The following TRIOBP variants were observed in gnomAD, a reference collection of about 807,000 sequenced individuals.
TRIOBP encodes TRIO and F-actin-binding protein.
In TRIOBP, 169 loss-of-function variants were observed where a neutral mutation model predicts 238.8. The ratio of observed to expected loss-of-function variants is 0.71; its 90% CI spans 0.62 to 0.80. The LOEUF (loss-of-function observed/expected upper bound fraction) is 0.80, where lower values mean the gene tolerates loss of function less well. Among genes scored for constraint, TRIOBP ranks in the 30% least tolerant of loss-of-function variants. The pLI is 0.00. For missense variants in TRIOBP, 2,838 were observed against 3,122.6 expected, an observed-to-expected ratio of 0.91 and a Z score of 2.17; for synonymous variants, 1,150 against 1,274.4, an observed-to-expected ratio of 0.90 and a Z score of 2.08.
At chr22:37,759,731 T>C (rs1926143937) in intron 17 of TRIOBP, 1 of 1,461,454 alleles carries the variant, frequency 6.8e-7, no homozygotes, top group Admixed American at 2.3e-5. Context: ...CCTCAGAGAA[T>C]GCACCGTCCG....
chr22:37,739,037 C>T (rs1372562125), intron 10 of TRIOBP, among the ~76,000 whole-genome samples: 1 of 152,112 alleles, frequency 6.6e-6, no homozygotes, highest in East Asian at 1.9e-4. Flanking sequence ...GGGAAGAGAT[C>T]CTTCCGGTTT....
chr22:37,705,756 A>G (rs1448314643), intron 3 of TRIOBP, among the ~76,000 whole-genome samples: 2 of 151,858 alleles, frequency 1.3e-5, no homozygotes, highest in Non-Finnish European at 2.9e-5. Flanking sequence ...TTGTATTTTT[A>G]GTAGAGATGG....
rs763290991 is a variant in TRIOBP at position 37,734,604 on chromosome 22, C to T, written c.4268C>T (p.Pro1423Leu). The change falls in exon 9 of 24, where the codon CCT (proline) becomes CTT (leucine). Residue 1423 changes from proline to leucine, a missense_variant. Coordinates refer to ENST00000644935, the MANE Select transcript of TRIOBP (RefSeq NM_001039141.3). ...AGTGGCCAAGCAGGCCCAAGACAGC[C>T]TCTGGGGGTGTGGCAGAGTCAGGAG... Reference protein sequence around the residue: ...LESGQAGPRQPLGVWQSQEEP... With the variant: ...LESGQAGPRQLLGVWQSQEEP... The T allele has an allele frequency of 3.4e-5, 53 of 1,581,586 alleles. No homozygotes were observed. The highest frequency in any genetic ancestry group is 4.4e-5 in the Non-Finnish European group (51 of 1,164,192).
chr22:37,729,863 G>A (rs1478411675), intron 7 of TRIOBP, among the ~76,000 whole-genome samples: 1 of 152,190 alleles, frequency 6.6e-6, no homozygotes, highest in Admixed American at 6.5e-5. Context: ...AAACTGTGCA[G>A]TGTGTGTGTA....
At position 37,725,506 on chromosome 22, in the gene TRIOBP, G is replaced by A; in HGVS notation, c.2950G>A (p.Gly984Ser). Residue 984 changes from glycine to serine, a missense_variant, in exon 7 of 24, where the codon GGC becomes AGC. Gly to Ser is a moderately conservative substitution (Grantham distance 56, BLOSUM62 0). Around this residue, in one of 5 missense-constraint regions of TRIOBP, gnomAD observed 2,096 missense variants for 2,137.4 expected, o/e 0.98. Coordinates refer to ENST00000644935, the MANE Select transcript of TRIOBP (RefSeq NM_001039141.3). ...GGCCACCTCTTCCTCCCATAACCCA[G>A]GCCACCAGAGCACCTCCCGAACTTC... ...SRATSSSHNP[G>S]HQSTSRTSSP... 1 of 1,613,352 alleles carries A rather than the reference G, an allele frequency of 6.2e-7. No individual in the cohort carries two copies.
At position 37,726,540 on chromosome 22, in the gene TRIOBP, G is replaced by C. The variant is rs1439621184; in HGVS notation, c.3947+37G>C. ...GGTGGGGTCAGCCAGGTGGGCTGGG[G>C]AGGAGGCTCGGCAGCAGGACAGGTG... On this transcript the variant is annotated intron_variant, in intron 7 of 23. Coordinates refer to ENST00000644935, the MANE Select transcript of TRIOBP (RefSeq NM_001039141.3). 2.1e-6 allele frequency: 3 copies of C among 1,435,844 alleles called. No individual in the cohort carries two copies. In the African/African-American group the frequency reaches 4.3e-5, roughly 21 times the overall value. The allele number at this position is 1,435,844 out of a possible 1,614,324, so 88.9% of individuals were successfully genotyped here.
intron 10 of TRIOBP, 47 bp from the exon 11 acceptor site, chr22:37,740,848 C>T: frequency 1.3e-6 from 2 of 1,554,168 alleles, no homozygotes; most frequent in African/African-American, 1.4e-5. Context: ...GGGGTGCCCC[C>T]ATCCTGCCAA....
intron 7 of TRIOBP, among the ~76,000 whole-genome samples, chr22:37,731,311 A>C (rs565470938): frequency 1.1e-4 from 16 of 151,760 alleles, no homozygotes; most frequent in African/African-American, 3.4e-4. Context: ...CTCATTAAAA[A>C]AATTTTTTTT....
chr22:37,715,725 C>T (rs147396080), intron 5 of TRIOBP, 38 bp from the exon 6 acceptor site: 1 of 1,607,192 alleles, frequency 6.2e-7, no homozygotes, highest in Non-Finnish European at 8.5e-7. Context: ...AGCCTTTTTT[C>T]TCCCGCAAAC....
chr22:37,703,023 G>T (rs1310054657), intron 3 of TRIOBP, among the ~76,000 whole-genome samples: 1 of 151,220 alleles, frequency 6.6e-6, no homozygotes, highest in Non-Finnish European at 1.5e-5. Context: ...TTGAGACGGA[G>T]TCTCTCTCTG....
chr22:37,743,868 TGG>T lies in TRIOBP; in HGVS notation c.5322+2838_5322+2839del, dbSNP rs1925083457. ...GTGCTGGGTGTGTGTGAGTGTGTGC[TGG>T]GTGTGTGTGTGTGTGTGTGCTGGGG... On this transcript the variant is annotated intron_variant, in intron 11 of 23. Transcript: ENST00000644935. 3.5e-4 allele frequency among the ~76,000 whole-genome samples: 4 copies of T among 11,366 alleles called. No homozygotes were observed. The South Asian group carries it at 0.023, about 67-fold the overall frequency. 7.5% of individuals were successfully genotyped at this position (11,366 alleles called of 152,430 possible). A position where few individuals can be genotyped will look rare whatever the true frequency, so the allele number is the denominator to read the frequency against.
chr22:37,699,033 A>G (rs1031195409), intron 2 of TRIOBP, among the ~76,000 whole-genome samples: 4 of 151,978 alleles, frequency 2.6e-5, no homozygotes, highest in African/African-American at 9.7e-5. Context: ...CCCAGATACT[A>G]CTGGGGAGGC....
intron 6 of TRIOBP, among the ~76,000 whole-genome samples, chr22:37,718,063 C>T (rs1923623604): frequency 6.6e-6 from 1 of 152,218 alleles, no homozygotes; most frequent in Non-Finnish European, 1.5e-5. Flanking sequence ...CCAGCACACC[C>T]TCCCCAGCCG....
Position 37,773,949 on chromosome 22 carries a change from CACAT to C in TRIOBP, c.*172_*175del, listed in dbSNP as rs1253066037. On this transcript the variant is annotated 3_prime_UTR_variant, in exon 24 of 24. Coordinates refer to ENST00000644935, the MANE Select transcript of TRIOBP (RefSeq NM_001039141.3). Reference sequence around the variant, plus strand: ...ACACACACACACACAGACACACAGACACATACGCACACACGTGCACACATGTACA... The same window carrying C: ...ACACACACACACACAGACACACAGACACGCACACACGTGCACACATGTACA... The C allele has an allele frequency of 6.2e-5, 9 of 146,098 alleles. No individual in the cohort carries two copies. The highest frequency in any genetic ancestry group is 4.5e-4 in the South Asian group (2 of 4,478). The allele number at this position is 146,098 out of a possible 1,614,324, so 9.1% of individuals were successfully genotyped here.
chr22:37,727,293 A>G (rs948115522), intron 7 of TRIOBP, among the ~76,000 whole-genome samples: 2 of 151,930 alleles, frequency 1.3e-5, no homozygotes, highest in Non-Finnish European at 2.9e-5. Context: ...AGAAGAAGAA[A>G]GTACCCATGA....
chr22:37,720,103 A>G (rs1923753382), intron 6 of TRIOBP, among the ~76,000 whole-genome samples: 1 of 142,886 alleles, frequency 7.0e-6, no homozygotes, highest in African/African-American at 2.7e-5. Context: ...TCCACCTCCC[A>G]GGTTGAAGCC....
At position 37,723,630 on chromosome 22, in the gene TRIOBP, T is replaced by C. The variant is rs773343501; in HGVS notation, c.1074T>C (p.Ser358=). The part of the protein sequence containing the change: ...STQLDNPRTS[S]TQQDNPQTSF... ...AACTGGATAACCCCAGAACCTCTTC[T>C]ACCCAGCAGGACAACCCCCAAACTT... is the stretch of plus-strand genomic sequence containing the variant. Residue 358 remains serine, a synonymous_variant, in exon 7 of 24, where the codon TCT becomes TCC. Transcript: ENST00000644935. 5.0e-6 allele frequency: 8 copies of C among 1,613,936 alleles called. No homozygotes were observed. The East Asian group carries it at 1.8e-4, about 36-fold the overall frequency.
At chr22:37,704,776 G>A (rs896737506) in intron 3 of TRIOBP, among the ~76,000 whole-genome samples, 2 of 151,356 alleles carry the variant, frequency 1.3e-5, no homozygotes, top group East Asian at 2.0e-4. Context: ...AGCCTGGCAC[G>A]GCAGCTCACG....
At chr22:37,732,952 C>T (rs1924496148) in intron 7 of TRIOBP, among the ~76,000 whole-genome samples, 1 of 152,224 alleles carries the variant, frequency 6.6e-6, no homozygotes. Flanking sequence ...GGGGGTGGCT[C>T]TTGGGCTGCT....
Sources: allele counts gnomAD v4.1 joint callset (sites outside exome capture counted in the v4.1 genomes callset), GRCh38; gene constraint gnomAD v4.1.1; regional missense constraint gnomAD v4.1.1; transcripts MANE v1.5; gene names NCBI Gene and HGNC (gene_info 2026-07-23, HGNC 2026-07-21).